CLVS1: variants seen among roughly 807,000 people sequenced by gnomAD.
CLVS1 encodes clavesin-1.
In CLVS1, 10 loss-of-function variants were observed where a neutral mutation model predicts 33.1. The observed-to-expected ratio is 0.30, with a 90% CI of 0.19 to 0.51. The LOEUF (loss-of-function observed/expected upper bound fraction) is 0.51. CLVS1 is among the 20% of genes least tolerant of loss of function. The pLI is 0.97. For missense variants in CLVS1, 343 were observed against 433.4 expected, an observed-to-expected ratio of 0.79 and a Z score of 1.85; for synonymous variants, 163 against 166.1, an observed-to-expected ratio of 0.98 and a Z score of 0.14.
intron 2 of CLVS1, among the ~76,000 whole-genome samples, chr8:61,191,172 C>T (rs1807465014): frequency 6.6e-6 from 1 of 152,178 alleles, no homozygotes; most frequent in Admixed American, 6.5e-5. Flanking sequence ...AAAAGCTTAT[C>T]CACCATGATC....
chr8:61,022,428 A>C, the CLVS1 span, among the ~76,000 whole-genome samples: 1 of 152,214 alleles, frequency 6.6e-6, no homozygotes, highest in Non-Finnish European at 1.5e-5. Flanking sequence ...TTTTTTCCCT[A>C]GGTTCCTAAT....
chr8:61,020,244 G>C, the CLVS1 span, among the ~76,000 whole-genome samples: 1 of 152,306 alleles, frequency 6.6e-6, no homozygotes, highest in East Asian at 1.9e-4. Context: ...AAGGATTATT[G>C]AATAGGCTTT....
At chr8:61,154,980 G>C (rs1381071531) in intron 2 of CLVS1, among the ~76,000 whole-genome samples, 1 of 152,184 alleles carries the variant, frequency 6.6e-6, no homozygotes, top group Non-Finnish European at 1.5e-5. Flanking sequence ...ATGTGAGTAG[G>C]TGTGTGTGCG....
rs752850657 is a variant in CLVS1 at position 61,093,213 on chromosome 8, G to A, written c.-243+35983G>A. Among the ~76,000 whole-genome samples, 38 of 152,150 alleles carry A rather than the reference G, an allele frequency of 2.5e-4. 1 individual carries two copies. The highest frequency in any genetic ancestry group is 3.3e-4 in the Admixed American group (5 of 15,270). On this transcript the variant is annotated intron_variant, in intron 1 of 2. Coordinates refer to the CLVS1 transcript ENST00000522621. ...ATACCAATATAATGGAAAAAGGACT[G>A]ACTCAATCAAAATAGACATACCAAG...
At chr8:61,246,660 C>T (rs1035175353) in intron 2 of CLVS1, among the ~76,000 whole-genome samples, 12 of 151,950 alleles carry the variant, frequency 7.9e-5, no homozygotes, top group Non-Finnish European at 1.8e-4. Flanking sequence ...AACAATGGCT[C>T]TTAGTGTCTT....
rs1265187479 is a variant in CLVS1 at position 61,059,499 on chromosome 8, T to TATATATATAC, written c.-243+2270_-243+2271insTATATATACA. ...ACATATATATATATATATATATATA[T>TATATATATAC]ACACATATCTTGAAAATAGCACGAG... On this transcript the variant is annotated intron_variant, in intron 1 of 2. Coordinates refer to the CLVS1 transcript ENST00000522621. Among the ~76,000 whole-genome samples, 178 of 96,348 alleles carry TATATATATAC rather than the reference T, an allele frequency of 1.8e-3. 2 individuals are homozygous for TATATATATAC. The highest frequency in any genetic ancestry group is 6.7e-3 in the African/African-American group (166 of 24,924). 63.2% of individuals were successfully genotyped at this position (96,348 alleles called of 152,430 possible). A position where few individuals can be genotyped will look rare whatever the true frequency, so the allele number is the denominator to read the frequency against.
chr8:61,192,080 G>C lies in CLVS1; in HGVS notation c.-152+60220G>C, dbSNP rs530302490. Among the ~76,000 whole-genome samples, 48 of 152,212 alleles carry C rather than the reference G, an allele frequency of 3.2e-4. No homozygotes were observed. In the South Asian group the frequency reaches 9.1e-3, roughly 29 times the overall value. On this transcript the variant is annotated intron_variant, in intron 2 of 2. Coordinates refer to the CLVS1 transcript ENST00000522621. ...GCCTGCATTGCCAAGACAATCCTAA[G>C]CCAAAAGAACAAAGCTGGAGGCATC... is the stretch of plus-strand genomic sequence containing the variant.
chr8:61,306,534 T>A (rs1810633013), intron 2 of CLVS1, among the ~76,000 whole-genome samples: 1 of 152,190 alleles, frequency 6.6e-6, no homozygotes, highest in Non-Finnish European at 1.5e-5. Flanking sequence ...CCACATTGTC[T>A]TTACCCATTC....
intron 2 of CLVS1, among the ~76,000 whole-genome samples, chr8:61,227,505 C>G (rs555012570): frequency 2.0e-5 from 3 of 152,146 alleles, no homozygotes; most frequent in African/African-American, 7.2e-5. Flanking sequence ...TTAAATAATC[C>G]AACTTAAAAA....
the CLVS1 span, among the ~76,000 whole-genome samples, chr8:60,985,455 A>G: frequency 6.6e-6 from 1 of 151,856 alleles, no homozygotes; most frequent in Admixed American, 6.6e-5. Context: ...TTTCCCTCCA[A>G]ATGGACTTTG....
At chr8:61,384,058 G>A (rs1414739721) in intron 3 of CLVS1, among the ~76,000 whole-genome samples, 2 of 152,240 alleles carry the variant, frequency 1.3e-5, no homozygotes, top group Non-Finnish European at 2.9e-5. Flanking sequence ...CCTGGGCAAG[G>A]CCAGGCCTCA....
At chr8:61,371,381 T>A (rs960625135) in intron 2 of CLVS1, among the ~76,000 whole-genome samples, 2 of 152,210 alleles carry the variant, frequency 1.3e-5, no homozygotes, top group African/African-American at 4.8e-5. Context: ...CCTTGTAGAT[T>A]CTGGATATTA....
chr8:61,439,871 G>A (rs1017932756), intron 3 of CLVS1, among the ~76,000 whole-genome samples: 1 of 152,050 alleles, frequency 6.6e-6, no homozygotes, highest in Non-Finnish European at 1.5e-5. Context: ...GAAACATGTA[G>A]GGACCAACTC....
At chr8:60,997,246 G>A in the CLVS1 span, among the ~76,000 whole-genome samples, 1 of 152,050 alleles carries the variant, frequency 6.6e-6, no homozygotes, top group Non-Finnish European at 1.5e-5. Context: ...GCGAAAACTC[G>A]GGGAATTCTA....
chr8:61,331,221 A>G (rs1048935181), intron 2 of CLVS1, among the ~76,000 whole-genome samples: 21 of 152,262 alleles, frequency 1.4e-4, no homozygotes, highest in Admixed American at 1.1e-3. Flanking sequence ...ATTACTTCCA[A>G]TGATATTTTA....
intron 3 of CLVS1, among the ~76,000 whole-genome samples, chr8:61,397,193 C>A (rs538753197): frequency 5.9e-5 from 9 of 152,070 alleles, no homozygotes; most frequent in Admixed American, 5.9e-4. Context: ...TCTTTGCCAG[C>A]CCTGGTTATT....
chr8:61,093,142 T>A (rs1250044635), intron 1 of CLVS1, among the ~76,000 whole-genome samples: 2 of 152,218 alleles, frequency 1.3e-5, no homozygotes, highest in Non-Finnish European at 2.9e-5. Context: ...TTTCTTCTGC[T>A]TATACCTTAC....
intron 2 of CLVS1, among the ~76,000 whole-genome samples, chr8:61,265,022 A>G (rs1011598009): frequency 6.6e-6 from 1 of 152,178 alleles, no homozygotes; most frequent in Non-Finnish European, 1.5e-5. Flanking sequence ...CCCTTGAAGG[A>G]ACTCAAGATT....
intron 2 of CLVS1, among the ~76,000 whole-genome samples, chr8:61,252,156 G>T (rs542407093): frequency 6.6e-6 from 1 of 152,198 alleles, no homozygotes; most frequent in African/African-American, 2.4e-5. Context: ...CTTTATTTCT[G>T]CCTTCATTTT....
Sources: gnomAD v4.1 joint callset for allele counts (sites outside exome capture counted in the v4.1 genomes callset) on GRCh38, gnomAD v4.1.1 for gene constraint, MANE v1.5 for transcripts, NCBI Gene and HGNC (gene_info 2026-07-23, HGNC 2026-07-21) for gene names.